Variants in RTF1 observed in about 807,000 individuals in gnomAD.
RTF1 encodes RNA polymerase-associated protein RTF1 homolog.
Under a neutral mutation model 95.7 loss-of-function variants are expected in RTF1, and 10 were observed. The observed-to-expected ratio is 0.10, with a 90% confidence interval of 0.06 to 0.18. The LOEUF is 0.18. Among genes scored for constraint, RTF1 ranks in the 10% least tolerant of loss-of-function variants. The pLI, the probability that RTF1 is intolerant of heterozygous loss-of-function variation, is 1.00. For missense variants in RTF1, 458 were observed against 875.6 expected (o/e 0.52, Z 6.02); for synonymous variants, 305 against 311.8 (o/e 0.98, Z 0.23).
At chr15:41,469,815 G>A (rs979164634) in intron 6 of RTF1, among the ~76,000 whole-genome samples, 17 of 152,176 alleles carry the variant, frequency 1.1e-4, no homozygotes, top group East Asian at 5.8e-4. Flanking sequence ...GTAAGCCACC[G>A]CACCCGTCCC....
Position 41,417,200 on chromosome 15 carries a change from C to A in RTF1, c.85C>A (p.Pro29Thr). Reference sequence around the variant, plus strand: ...ACTGGCAGGCGGGCAAGAGGGGAGTCCGGGCGGCGGCCGGCGTGGGAGCCG... The same window carrying A: ...ACTGGCAGGCGGGCAAGAGGGGAGTACGGGCGGCGGCCGGCGTGGGAGCCG... ...VPLAGGQEGS[P>T]GGGRRGSRGT... Residue 29 changes from proline (P) to threonine (T), a missense_variant, in exon 1 of 18, where the codon CCG (proline) becomes ACG (threonine). Physicochemically the swap from Pro to Thr is conservative, Grantham distance 38. Transcript: ENST00000389629. The A allele has an allele frequency of 1.6e-6, 2 of 1,262,858 alleles. No homozygotes were observed. Among genetic ancestry groups the A allele is most frequent in the East Asian group, 3.1e-5 (1 of 32,024 alleles). The allele number at this position is 1,262,858 out of a possible 1,614,324, so 78.2% of individuals were successfully genotyped here.
intron 2 of RTF1, among the ~76,000 whole-genome samples, chr15:41,439,216 A>G (rs1051369047): frequency 6.6e-6 from 1 of 150,958 alleles, no homozygotes; most frequent in Non-Finnish European, 1.5e-5. Context: ...TTTTATTTTT[A>G]GTAGAGACGG....
At chr15:41,450,218 T>G (rs1322460194) in intron 2 of RTF1, among the ~76,000 whole-genome samples, 2 of 151,862 alleles carry the variant, frequency 1.3e-5, no homozygotes, top group African/African-American at 4.8e-5. Context: ...TAAAATGAAA[T>G]AAAACACAAA....
chr15:41,426,763 C>G (rs1220868446), intron 1 of RTF1, among the ~76,000 whole-genome samples: 1 of 108,104 alleles, frequency 9.3e-6, no homozygotes, highest in East Asian at 3.1e-4. Context: ...GTCTACTGTG[C>G]CCAGCCGCTA....
At chr15:41,436,287 TAAAA>T (rs746306495) in intron 1 of RTF1, among the ~76,000 whole-genome samples, 1 of 95,216 alleles carries the variant, frequency 1.1e-5, no homozygotes, top group Non-Finnish European at 2.1e-5. Context: ...CCGTCTCTAC[TAAAA>T]AAAAAAAAAA....
At chr15:41,442,170 ATTT>A (rs772693444) in intron 2 of RTF1, among the ~76,000 whole-genome samples, 1 of 138,540 alleles carries the variant, frequency 7.2e-6, no homozygotes, top group Admixed American at 7.3e-5. Flanking sequence ...TTTCATAATG[ATTT>A]TTTTTTTTTT....
At chr15:41,477,105 C>T (rs972240329) in intron 12 of RTF1, 60 bp from the exon 13 acceptor site, 14 of 1,609,608 alleles carry the variant, frequency 8.7e-6, no homozygotes, top group Non-Finnish European at 1.1e-5. Context: ...TAAGGGGATA[C>T]TTGATATGGA....
intron 1 of RTF1, 36 bp downstream of exon 1, chr15:41,417,349 C>G: frequency 8.0e-7 from 1 of 1,244,884 alleles, no homozygotes; most frequent in Non-Finnish European, 1.0e-6. Context: ...GCCGGCGGAG[C>G]CAGAGGGCTG....
chr15:41,455,805 G>C (rs547795540), intron 3 of RTF1, among the ~76,000 whole-genome samples: 4 of 152,014 alleles, frequency 2.6e-5, no homozygotes, highest in African/African-American at 9.6e-5. Context: ...TGATATAATG[G>C]ACATTGGGGA....
intron 2 of RTF1, among the ~76,000 whole-genome samples, chr15:41,439,753 G>C (rs939518212): frequency 2.6e-5 from 4 of 152,136 alleles, no homozygotes; most frequent in African/African-American, 9.7e-5. Flanking sequence ...TCGGGTTCAA[G>C]CGATTCTCCT....
At chr15:41,472,087 C>G (rs937258588) in intron 8 of RTF1, among the ~76,000 whole-genome samples, 1 of 151,548 alleles carries the variant, frequency 6.6e-6, no homozygotes, top group Admixed American at 6.6e-5. Context: ...TTAGTAGAGA[C>G]GGGGTTTCAC....
chr15:41,477,125 A>G (rs1211440207), intron 12 of RTF1, 40 bp from the exon 13 acceptor site: 2 of 1,613,808 alleles, frequency 1.2e-6, no homozygotes, highest in Non-Finnish European at 1.7e-6. Context: ...AGTCAGTTGT[A>G]TGTAGCCAAG....
At chr15:41,444,645 G>A (rs1007155128) in intron 2 of RTF1, among the ~76,000 whole-genome samples, 25 of 152,190 alleles carry the variant, frequency 1.6e-4, no homozygotes, top group South Asian at 8.3e-4. Context: ...CCATGATTAC[G>A]AATAACAGTT....
At chr15:41,451,580 A>G (rs2050789714) in intron 2 of RTF1, among the ~76,000 whole-genome samples, 1 of 152,152 alleles carries the variant, frequency 6.6e-6, no homozygotes. Flanking sequence ...TTATTGTGTA[A>G]TATATGCCAA....
At chr15:41,420,810 G>C (rs564829150) in intron 1 of RTF1, among the ~76,000 whole-genome samples, 13 of 152,274 alleles carry the variant, frequency 8.5e-5, no homozygotes, top group African/African-American at 2.9e-4. Context: ...TTGGGACTTA[G>C]AGGGTGCAGC....
intron 2 of RTF1, among the ~76,000 whole-genome samples, chr15:41,443,727 C>G (rs1037183512): frequency 6.6e-6 from 1 of 151,836 alleles, no homozygotes; most frequent in African/African-American, 2.4e-5. Flanking sequence ...TGGCAAAACC[C>G]CATCTCTACT....
At chr15:41,438,279 C>T in intron 1 of RTF1, 42 bp from the exon 2 acceptor site, 1 of 1,323,332 alleles carries the variant, frequency 7.6e-7, no homozygotes, top group Non-Finnish European at 1.0e-6. Context: ...GATATTCTTT[C>T]TCTGTTGAAC....
chr15:41,449,881 T>C (rs906234345), intron 2 of RTF1, among the ~76,000 whole-genome samples: 3 of 152,136 alleles, frequency 2.0e-5, no homozygotes, highest in Admixed American at 2.0e-4. Context: ...ATTATTAAAA[T>C]TATATTTTAA....
intron 1 of RTF1, among the ~76,000 whole-genome samples, chr15:41,431,863 C>T (rs1250651118): frequency 6.6e-6 from 1 of 151,744 alleles, no homozygotes; most frequent in Non-Finnish European, 1.5e-5. Flanking sequence ...TGCAGTGGCA[C>T]GATCTTGGCC....
Sources: allele counts gnomAD v4.1 joint callset (sites outside exome capture counted in the v4.1 genomes callset), GRCh38; gene constraint gnomAD v4.1.1; transcripts MANE v1.5; gene names NCBI Gene and HGNC (gene_info 2026-07-23, HGNC 2026-07-21).